The following GABRB1 variants were observed in gnomAD, a reference collection of about 807,000 sequenced individuals.
GABRB1 encodes the protein gamma-aminobutyric acid type A receptor subunit beta1.
A neutral mutation model predicts 51.6 loss-of-function variants in GABRB1; 17 were observed. That is an observed-to-expected ratio of 0.33 (90% CI 0.23 to 0.49). GABRB1 has a LOEUF of 0.49. Ranked by LOEUF, GABRB1 falls within the 20% of genes least tolerant of loss-of-function variation. GABRB1 has a pLI of 0.99. For synonymous variants in GABRB1, 247 were observed against 218.9 expected (o/e 1.13, Z -1.14); for missense variants, 410 against 600.6 (o/e 0.68, Z 3.32).
intron 4 of GABRB1, among the ~76,000 whole-genome samples, chr4:47,256,780 A>G (rs1722218919): frequency 6.6e-6 from 1 of 152,118 alleles, no homozygotes; most frequent in South Asian, 2.1e-4. Flanking sequence ...GGAAGTCCAT[A>G]CCCATGATCT....
rs1410168656 is a variant in GABRB1 at position 47,382,890 on chromosome 4, C to T, written c.545-20428C>T. Among the ~76,000 whole-genome samples the T allele has an allele frequency of 2.6e-5, 4 of 152,144 alleles. No homozygotes were observed. The East Asian group carries it at 7.7e-4, about 29-fold the overall frequency. Reference sequence around the variant, plus strand: ...TGCCAAATTACATGGAGTAAAAAATCAATTCTAGCAAAACCAATAATAATC... The same window carrying T: ...TGCCAAATTACATGGAGTAAAAAATTAATTCTAGCAAAACCAATAATAATC... On this transcript the variant is annotated intron_variant, in intron 5 of 8. Coordinates refer to ENST00000295454, the MANE Select transcript of GABRB1 (RefSeq NM_000812.4).
At chr4:47,166,832 C>T (rs1045533229) in intron 4 of GABRB1, among the ~76,000 whole-genome samples, 3 of 152,108 alleles carry the variant, frequency 2.0e-5, no homozygotes, top group Admixed American at 6.6e-5. Context: ...CCCACTCCAC[C>T]ACCTTTTCCC....
chr4:47,364,024 C>G (rs965061182), intron 5 of GABRB1, among the ~76,000 whole-genome samples: 5 of 152,174 alleles, frequency 3.3e-5, no homozygotes, highest in Non-Finnish European at 1.5e-5. Context: ...TAATCTACTT[C>G]TCATGCAATA....
intron 4 of GABRB1, among the ~76,000 whole-genome samples, chr4:47,177,010 A>G (rs1474467016): frequency 6.6e-6 from 1 of 152,180 alleles, no homozygotes; most frequent in Non-Finnish European, 1.5e-5. Flanking sequence ...ATCTGATTTC[A>G]TGGCCTACAG....
Position 47,263,954 on chromosome 4 carries a change from C to A in GABRB1, c.462-56173C>A, listed in dbSNP as rs375724113. Among the ~76,000 whole-genome samples the A allele has an allele frequency of 2.0e-5, 3 of 150,272 alleles. No homozygotes were observed. The East Asian group carries it at 5.9e-4, about 30-fold the overall frequency. On this transcript the variant is annotated intron_variant, in intron 4 of 8. Transcript: ENST00000295454. ...TTGAGCCCAGGAATTCAAAACATGA[C>A]GAAAGTTCACTTCTACAAAAAAAAT...
chr4:47,383,424 C>G (rs1047070357), intron 5 of GABRB1, among the ~76,000 whole-genome samples: 18 of 151,942 alleles, frequency 1.2e-4, no homozygotes, highest in Admixed American at 1.0e-3. Flanking sequence ...TGGGTAGCAG[C>G]TCTCAATAAG....
chr4:47,267,795 C>CA (rs539252209), intron 4 of GABRB1, among the ~76,000 whole-genome samples: 131 of 148,950 alleles, frequency 8.8e-4, no homozygotes, highest in African/African-American at 3.1e-3. Context: ...AATTCCATCT[C>CA]AAAAAAAATA....
intron 4 of GABRB1, among the ~76,000 whole-genome samples, chr4:47,191,547 A>G (rs919103292): frequency 6.6e-6 from 1 of 152,194 alleles, no homozygotes; most frequent in Non-Finnish European, 1.5e-5. Flanking sequence ...ATGAAAGCTG[A>G]GTAGAATGAG....
chr4:47,320,349 C>T, intron 5 of GABRB1, 140 bp downstream of exon 5: 1 of 664,472 alleles, frequency 1.5e-6, no homozygotes, highest in Non-Finnish European at 2.7e-6. Context: ...ATATTGGTAG[C>T]TCAAGGGTCA....
chr4:47,200,435 T>G lies in GABRB1; in HGVS notation c.461+38966T>G, dbSNP rs75735768. On this transcript the variant is annotated intron_variant, in intron 4 of 8. Coordinates refer to ENST00000295454, the MANE Select transcript of GABRB1 (RefSeq NM_000812.4). ...TTTAAAGAAGAGTTTGGAGTCTGAT[T>G]AAGGAAGGGTTTATCAATAAATATA... 7.0e-4 allele frequency among the ~76,000 whole-genome samples: 106 copies of G among 152,258 alleles called. 1 individual carries two copies. The highest frequency in any genetic ancestry group is 2.5e-3 in the African/African-American group (104 of 41,548).
intron 3 of GABRB1, among the ~76,000 whole-genome samples, chr4:47,150,163 C>T (rs769652897): frequency 6.9e-6 from 1 of 145,116 alleles, no homozygotes; most frequent in Non-Finnish European, 1.5e-5. Context: ...AGTACCTATG[C>T]TTATACACAC....
At chr4:47,160,447 A>G (rs955901495) in intron 3 of GABRB1, among the ~76,000 whole-genome samples, 11 of 152,148 alleles carry the variant, frequency 7.2e-5, no homozygotes, top group African/African-American at 2.7e-4. Context: ...GGGCAAATTG[A>G]TAACCTTTAT....
At chr4:47,405,153 G>GT (rs1160152771) in intron 7 of GABRB1, among the ~76,000 whole-genome samples, 1 of 152,104 alleles carries the variant, frequency 6.6e-6, no homozygotes, top group Non-Finnish European at 1.5e-5. Context: ...AAATTTAAAG[G>GT]TTTTTTCAAA....
intron 3 of GABRB1, among the ~76,000 whole-genome samples, chr4:47,091,525 A>G (rs145352907): frequency 2.0e-5 from 3 of 152,274 alleles, no homozygotes; most frequent in African/African-American, 7.2e-5. Flanking sequence ...TCTTCCCTGC[A>G]AGCAACCCCT....
intron 4 of GABRB1, among the ~76,000 whole-genome samples, chr4:47,278,640 A>G (rs753515186): frequency 4.6e-5 from 7 of 152,192 alleles, no homozygotes; most frequent in South Asian, 4.2e-4. Flanking sequence ...CTGGCCCTCA[A>G]TGTCAATTAC....
intron 4 of GABRB1, among the ~76,000 whole-genome samples, chr4:47,290,948 G>A (rs750974841): frequency 1.5e-4 from 23 of 152,216 alleles, no homozygotes; most frequent in Non-Finnish European, 3.2e-4. Flanking sequence ...CCCATTTTCT[G>A]AGGAGAAATT....
intron 1 of GABRB1, among the ~76,000 whole-genome samples, chr4:47,004,285 C>T (rs916560145): frequency 6.6e-6 from 1 of 152,168 alleles, no homozygotes; most frequent in African/African-American, 2.4e-5. Context: ...CCGTGCCTGA[C>T]CTACAATAAT....
intron 4 of GABRB1, among the ~76,000 whole-genome samples, chr4:47,301,738 CAT>C (rs1724270944): frequency 6.6e-6 from 1 of 151,894 alleles, no homozygotes; most frequent in Non-Finnish European, 1.5e-5. Flanking sequence ...GCTGAAAAGA[CAT>C]AGTATACTGA....
At chr4:47,277,010 G>A (rs1723108079) in intron 4 of GABRB1, among the ~76,000 whole-genome samples, 1 of 151,898 alleles carries the variant, frequency 6.6e-6, no homozygotes, top group South Asian at 2.1e-4. Context: ...AGGATTCTAG[G>A]GGTCCTTGAA....
Sources: allele counts gnomAD v4.1 joint callset (sites outside exome capture counted in the v4.1 genomes callset), GRCh38; gene constraint gnomAD v4.1.1; transcripts MANE v1.5; gene names NCBI Gene and HGNC (gene_info 2026-07-23, HGNC 2026-07-21).